Variants in HMCN2 observed in about 807,000 individuals in gnomAD.
HMCN2 encodes hemicentin-2.
In HMCN2, 325 loss-of-function variants were observed where a neutral mutation model predicts 377.5. That is an observed-to-expected ratio of 0.86 (90% CI 0.79 to 0.94). The LOEUF is 0.94. Among genes scored for constraint, HMCN2 ranks in the 40% least tolerant of loss-of-function variants. The probability of loss-of-function intolerance (pLI) is 0.00; values close to 1 mark genes in which losing one functional copy is unlikely to be tolerated. For missense variants in HMCN2, 4,543 were observed against 4,725.3 expected, an observed-to-expected ratio of 0.96 and a Z score of 1.13; for synonymous variants, 2,007 against 2,046.8, an observed-to-expected ratio of 0.98 and a Z score of 0.53.
Position 130,369,884 on chromosome 9 carries a change from T to G in HMCN2, c.7069+33T>G. On this transcript the variant is annotated intron_variant, in intron 45 of 97. Coordinates refer to ENST00000683500, the MANE Select transcript of HMCN2 (RefSeq NM_001291815.2). This position sits in a 1 kb window ranked among gnomAD's most constrained non-coding sequence, Gnocchi z 4.5. ...CCGGCAGCTGCTGGAGGAGTTGGGC[T>G]GGGGCAGATTAGAGTGGGCAAGGTG... 1.0e-6 allele frequency: 1 copy of G among 985,298 alleles called. No homozygotes were observed. The highest frequency in any genetic ancestry group is 1.2e-6 in the Non-Finnish European group (1 of 829,782). The allele number at this position is 985,298 out of a possible 1,614,324, so 61.0% of individuals were successfully genotyped here.
In HMCN2 at chr9:130,394,642, C is replaced by A; in HGVS notation, c.10692+67C>A. 1 of 1,177,662 alleles carries A rather than the reference C, an allele frequency of 8.5e-7. No individual in the cohort carries two copies. Among genetic ancestry groups the A allele is most frequent in the African/African-American group, 1.6e-5 (1 of 63,258 alleles). The allele number at this position is 1,177,662 out of a possible 1,614,324, so 73.0% of individuals were successfully genotyped here. A position where few individuals can be genotyped will look rare whatever the true frequency, so the allele number is the denominator to read the frequency against. On this transcript the variant is annotated intron_variant, in intron 69 of 97. Transcript: ENST00000683500. This position sits in a 1 kb window ranked among gnomAD's most constrained non-coding sequence, Gnocchi z 5.1. ...GAGAGGGGAGGGACTGCAGGTTCCC[C>A]AGACCCAGTGGGCAGTTGACAAAGT...
In HMCN2 at chr9:130,376,648, A is replaced by C; in HGVS notation, c.8051A>C (p.Lys2684Thr). Residue 2684 changes from lysine to threonine, a missense_variant, in exon 52 of 98, where the codon AAG becomes ACG. Physicochemically the swap from Lys to Thr is moderately conservative, Grantham distance 78. Transcript: ENST00000683500. ...AVPPPTIRWY[K>T]DGQPVTPSSR... is the part of the protein sequence containing the mutation. ...CCCCCGCCCACCATCCGCTGGTACA[A>C]GGATGGACAGGTGAGTTTGGGACCC... The C allele has an allele frequency of 1.0e-6, 1 of 985,852 alleles. No individual in the cohort carries two copies. Among genetic ancestry groups the C allele is most frequent in the Non-Finnish European group, 1.2e-6 (1 of 829,974 alleles). The allele number at this position is 985,852 out of a possible 1,614,324, so 61.1% of individuals were successfully genotyped here. A position where few individuals can be genotyped will look rare whatever the true frequency, so the allele number is the denominator to read the frequency against.
At chr9:130,357,152 GGATGGGTAAATGGATA>G (rs1840072722) in intron 34 of HMCN2, among the ~76,000 whole-genome samples, 1 of 151,382 alleles carries the variant, frequency 6.6e-6, no homozygotes, top group South Asian at 2.1e-4. Flanking sequence ...AAGGGTGGAT[GGATGGGTAAATGGATA>G]GATGGGTAAA....
At chr9:130,334,703 T>C (rs1444327847) in intron 22 of HMCN2, among the ~76,000 whole-genome samples, 23 of 146,084 alleles carry the variant, frequency 1.6e-4, no homozygotes, top group Admixed American at 1.1e-3. Context: ...CTTTCTTTCT[T>C]TCTTTCTCTC....
chr9:130,431,539 C>T (rs944083458), intron 96 of HMCN2, 53 bp downstream of exon 96: 3 of 1,530,818 alleles, frequency 2.0e-6, no homozygotes, highest in South Asian at 1.2e-5. Flanking sequence ...GGGCAGGCAG[C>T]GTGGGATGGG....
intron 8 of HMCN2, among the ~76,000 whole-genome samples, chr9:130,301,100 C>T (rs1402371522): frequency 6.6e-6 from 1 of 152,208 alleles, no homozygotes; most frequent in Admixed American, 6.5e-5. Context: ...GGCCACGGTG[C>T]CCATCGTGCC....
intron 87 of HMCN2, among the ~76,000 whole-genome samples, chr9:130,424,060 A>C (rs1844173238): frequency 1.3e-5 from 2 of 151,542 alleles, no homozygotes; most frequent in Admixed American, 1.3e-4. Context: ...AGCTCACTGC[A>C]GCCTCAACCT....
At chr9:130,317,962 G>T (rs1268513856) in intron 15 of HMCN2, among the ~76,000 whole-genome samples, 1 of 152,088 alleles carries the variant, frequency 6.6e-6, no homozygotes, top group Admixed American at 6.5e-5. Context: ...GCTGGGGAAG[G>T]TAGGCTGTTG....
At chr9:130,336,577 C>T (rs927902551) in intron 22 of HMCN2, among the ~76,000 whole-genome samples, 26 of 152,120 alleles carry the variant, frequency 1.7e-4, no homozygotes, top group Non-Finnish European at 3.5e-4. Flanking sequence ...CAGGTTAGAC[C>T]CAGGCAATCC....
intron 25 of HMCN2, among the ~76,000 whole-genome samples, chr9:130,343,343 G>A (rs1839164733): frequency 6.6e-6 from 1 of 152,192 alleles, no homozygotes; most frequent in African/African-American, 2.4e-5. Flanking sequence ...AGCCTGGGGG[G>A]CGTCTCTAGT....
chr9:130,355,888 G>A lies in HMCN2; in HGVS notation c.5255+34G>A, dbSNP rs111396179. ...GGGGTGGTGGAGGCCAGGGCTGGGG[G>A]TAGGCAGAGAGCGTGTGCTTTGCGG... On this transcript the variant is annotated intron_variant, in intron 33 of 97. Coordinates refer to ENST00000683500, the MANE Select transcript of HMCN2 (RefSeq NM_001291815.2). The A allele has an allele frequency of 8.8e-4, 1,066 of 1,208,264 alleles. 5 individuals carry two copies. In the African/African-American group the frequency reaches 0.013, roughly 15 times the overall value. 74.8% of individuals were successfully genotyped at this position (1,208,264 alleles called of 1,614,324 possible). A position where few individuals can be genotyped will look rare whatever the true frequency, so the allele number is the denominator to read the frequency against.
chr9:130,406,740 G>A (rs1843113139), intron 82 of HMCN2: 1 of 157,314 alleles, frequency 6.4e-6, no homozygotes, highest in Non-Finnish European at 1.4e-5. Flanking sequence ...CACTTCCTGG[G>A]GAGGGACCTT....
intron 95 of HMCN2, 73 bp from the exon 96 acceptor site, chr9:130,431,294 A>T (rs889176686): frequency 1.1e-5 from 16 of 1,440,152 alleles, no homozygotes; most frequent in Non-Finnish European, 1.4e-5. Flanking sequence ...GTGTGTGGCC[A>T]CGTTGGTGTC....
At chr9:130,432,265 G>A (rs1054070651) in intron 96 of HMCN2, among the ~76,000 whole-genome samples, 164 bp from the exon 97 acceptor site, 7 of 152,142 alleles carry the variant, frequency 4.6e-5, no homozygotes, top group African/African-American at 9.7e-5. Flanking sequence ...AAGGTGCTGC[G>A]GGCCTCCAGC....
In HMCN2 at chr9:130,349,590, G is replaced by T; in HGVS notation, c.4357G>T (p.Gly1453Cys). Residue 1453 changes from glycine (G) to cysteine (C), a missense_variant, in exon 29 of 98, where the codon GGT becomes TGT. By Grantham distance (159) the Gly-to-Cys change is radical (BLOSUM62 -3). Around this residue, in one of 5 missense-constraint regions of HMCN2, gnomAD observed 1,032 missense variants for 1,285.1 expected, o/e 0.80. Transcript: ENST00000683500. ...GAAQEVLGLA[G>C]ADVELQCWTS... ...CGCTCAGGAGGTGCTAGGATTGGCC[G>T]GTGCAGACGTGGAGCTGCAGTGTTG... The T allele has an allele frequency of 7.7e-7, 1 of 1,303,998 alleles. No individual in the cohort carries two copies. The highest frequency in any genetic ancestry group is 1.0e-6 in the Non-Finnish European group (1 of 988,898). 80.8% of individuals were successfully genotyped at this position (1,303,998 alleles called of 1,614,324 possible). A position where few individuals can be genotyped will look rare whatever the true frequency, so the allele number is the denominator to read the frequency against.
intron 61 of HMCN2, 127 bp from the exon 62 acceptor site, chr9:130,388,282 T>A (rs1842123450): frequency 3.4e-6 from 2 of 587,456 alleles, no homozygotes; most frequent in South Asian, 1.5e-4. Flanking sequence ...TTTACATTTG[T>A]GAATAAAACA....
At chr9:130,407,757 G>A in intron 83 of HMCN2, 52 bp downstream of exon 83, 1 of 1,153,404 alleles carries the variant, frequency 8.7e-7, no homozygotes, top group Non-Finnish European at 1.1e-6. Flanking sequence ...AGTCTATTGG[G>A]ACCCAATCTA....
chr9:130,347,972 G>A lies in HMCN2; in HGVS notation c.4025-573G>A, dbSNP rs148283393. 592 of 985,294 alleles carry A rather than the reference G, an allele frequency of 6.0e-4. 4 individuals carry two copies. The African/African-American group carries it at 9.7e-3, about 16-fold the overall frequency. The allele number at this position is 985,294 out of a possible 1,614,324, so 61.0% of individuals were successfully genotyped here. On this transcript the variant is annotated intron_variant, in intron 26 of 97. Coordinates refer to ENST00000683500, the MANE Select transcript of HMCN2 (RefSeq NM_001291815.2). The surrounding 1 kb of genome is among the most constrained non-coding windows in gnomAD (Gnocchi z 5.1). ...TTCTCACATTCTTGTCCTCAGCAGG[G>A]AGAGCGCCCACCCCCACATCCAGGG...
chr9:130,291,431 A>G (rs937111358), intron 4 of HMCN2, among the ~76,000 whole-genome samples: 5 of 152,206 alleles, frequency 3.3e-5, no homozygotes, highest in African/African-American at 9.6e-5. Context: ...GCTAGTCTCA[A>G]ACTTCTGACC....
Sources: gnomAD v4.1 joint callset for allele counts (sites outside exome capture counted in the v4.1 genomes callset) on GRCh38, gnomAD v4.1.1 for gene constraint, gnomAD v4.1.1 regional missense constraint, Gnocchi (gnomAD v3.1) non-coding constraint, MANE v1.5 for transcripts, NCBI Gene and HGNC (gene_info 2026-07-23, HGNC 2026-07-21) for gene names.